VGLL4: variants seen among roughly 807,000 people sequenced by gnomAD.
VGLL4 encodes transcription cofactor vestigial-like protein 4.
VGLL4 carries 7 observed loss-of-function variants against 21.0 expected under a neutral mutation model. The ratio of observed to expected loss-of-function variants is 0.33; its 90% CI spans 0.19 to 0.63. The LOEUF is 0.63. Ranked by LOEUF, VGLL4 falls within the 20% of genes least tolerant of loss-of-function variation. The probability of loss-of-function intolerance (pLI) is 0.78; values close to 1 mark genes in which losing one functional copy is unlikely to be tolerated. For synonymous variants in VGLL4, 222 were observed against 173.2 expected, an observed-to-expected ratio of 1.28 and a Z score of -2.21; for missense variants, 394 against 425.7, an observed-to-expected ratio of 0.93 and a Z score of 0.66.
intron 2 of VGLL4, among the ~76,000 whole-genome samples, chr3:11,658,607 A>G (rs1021707144): frequency 3.3e-5 from 4 of 122,426 alleles, no homozygotes; most frequent in African/African-American, 1.0e-4. Flanking sequence ...GGAAGGACAC[A>G]GAGGAAACAG....
chr3:11,627,253 C>T lies in VGLL4; in HGVS notation c.82+16184G>A, dbSNP rs1172907834. The T allele has an allele frequency of 6.6e-5, 10 of 150,838 alleles. No individual in the cohort carries two copies. In the Admixed American group the frequency reaches 6.6e-4, roughly 10 times the overall value. 9.3% of individuals were successfully genotyped at this position (150,838 alleles called of 1,614,324 possible). ...ACACTCTCTCTCTCTCTCTCTCTGT[C>T]GGTTTTTAAATTACTGGCCACTGGT... On this transcript the variant is annotated intron_variant, in intron 1 of 4. Coordinates refer to ENST00000430365, the MANE Select transcript of VGLL4 (RefSeq NM_001128219.3).
In VGLL4 at chr3:11,556,694, A is replaced by G. The variant is rs1329645724; in HGVS notation, c.*1862T>C. The G allele has an allele frequency of 6.5e-6, 1 of 152,806 alleles. No homozygotes were observed. Among genetic ancestry groups the G allele is most frequent in the African/African-American group, 2.4e-5 (1 of 41,474 alleles). The allele number at this position is 152,806 out of a possible 1,614,324, so 9.5% of individuals were successfully genotyped here. ...TTAAATAGCTACATATCATTAACAAATTAATGTTCTTCAAAAAATACCTAC... is the reference window on the plus strand; with the variant it reads ...TTAAATAGCTACATATCATTAACAAGTTAATGTTCTTCAAAAAATACCTAC... On this transcript the variant is annotated 3_prime_UTR_variant, in exon 5 of 5. Coordinates refer to ENST00000430365, the MANE Select transcript of VGLL4 (RefSeq NM_001128219.3).
chr3:11,581,749 C>G (rs1438984580), intron 2 of VGLL4, among the ~76,000 whole-genome samples: 1 of 152,198 alleles, frequency 6.6e-6, no homozygotes, highest in Non-Finnish European at 1.5e-5. Flanking sequence ...CCAACTGCAG[C>G]CAAGTGCTTT....
At chr3:11,578,693 G>A (rs112527038) in intron 2 of VGLL4, among the ~76,000 whole-genome samples, 11,163 of 147,980 alleles carry the variant, frequency 0.075, 451 homozygotes, top group East Asian at 0.16. Flanking sequence ...TTGAGTATAC[G>A]AAGTGATTAA....
intron 1 of VGLL4, among the ~76,000 whole-genome samples, chr3:11,709,332 G>C (rs2076805852): frequency 6.6e-6 from 1 of 151,364 alleles, no homozygotes; most frequent in African/African-American, 2.4e-5. Flanking sequence ...AGCTACTCGG[G>C]AGGCTGAGGC....
intron 1 of VGLL4, among the ~76,000 whole-genome samples, chr3:11,714,997 C>T (rs1345726344): frequency 3.9e-5 from 6 of 152,026 alleles, no homozygotes; most frequent in South Asian, 4.2e-4. Flanking sequence ...TAGCCAGGCA[C>T]GGTGGCGGGC....
At chr3:11,718,182 T>C (rs949696487) in intron 1 of VGLL4, among the ~76,000 whole-genome samples, 3 of 152,184 alleles carry the variant, frequency 2.0e-5, no homozygotes, top group African/African-American at 7.2e-5. Context: ...GATTAAAATT[T>C]TGCCAAAGTT....
rs935361104 is a variant in VGLL4, at chr3:11,568,530, C to T, written c.273-3511G>A. On this transcript the variant is annotated intron_variant, in intron 2 of 4. Coordinates refer to ENST00000430365, the MANE Select transcript of VGLL4 (RefSeq NM_001128219.3). The surrounding 1 kb of genome is among the most constrained non-coding windows in gnomAD (Gnocchi z 5.9). ...AGCACAGTGGGCACTATGGGTCAGA[C>T]AAAGACACTGAAAACAGCGAGAAAA... The T allele has an allele frequency of 1.3e-6, 2 of 1,544,032 alleles. No individual in the cohort carries two copies. The highest frequency in any genetic ancestry group is 1.8e-6 in the Non-Finnish European group (2 of 1,140,128).
rs914769012 is a variant in VGLL4, at chr3:11,556,677, C to G, written c.*1879G>C. On this transcript the variant is annotated 3_prime_UTR_variant, in exon 5 of 5. Coordinates refer to ENST00000430365, the MANE Select transcript of VGLL4 (RefSeq NM_001128219.3). Reference sequence around the variant, plus strand: ...AATAGGAAAGGGAAAAATTAAATAGCTACATATCATTAACAAATTAATGTT... The same window carrying G: ...AATAGGAAAGGGAAAAATTAAATAGGTACATATCATTAACAAATTAATGTT... The G allele has an allele frequency of 6.6e-6, 1 of 152,598 alleles. No individual in the cohort carries two copies. The highest frequency in any genetic ancestry group is 2.4e-5 in the African/African-American group (1 of 41,394). The allele number at this position is 152,598 out of a possible 1,614,324, so 9.5% of individuals were successfully genotyped here.
intron 1 of VGLL4, chr3:11,604,651 C>T (rs1392461010): frequency 3.1e-6 from 2 of 650,034 alleles, no homozygotes; most frequent in East Asian, 2.8e-4. Context: ...TTGACTCCTC[C>T]TTTATTTAGG....
At chr3:11,635,539 A>T (rs1232936168) in intron 1 of VGLL4, among the ~76,000 whole-genome samples, 1 of 152,116 alleles carries the variant, frequency 6.6e-6, no homozygotes, top group Non-Finnish European at 1.5e-5. Flanking sequence ...TCTCCCACTC[A>T]CTCTCTCTTT....
intron 1 of VGLL4, among the ~76,000 whole-genome samples, chr3:11,617,602 A>G (rs1203599844): frequency 6.6e-6 from 1 of 152,234 alleles, no homozygotes; most frequent in Admixed American, 6.5e-5. Context: ...GAAAGATCAG[A>G]GAGCTGGTAT....
chr3:11,569,738 T>C (rs2073700608), intron 2 of VGLL4, among the ~76,000 whole-genome samples: 1 of 152,174 alleles, frequency 6.6e-6, no homozygotes, highest in African/African-American at 2.4e-5. Flanking sequence ...GACTGCTGGC[T>C]GGGCATGGTG....
chr3:11,667,359 A>G (rs1318293748), intron 2 of VGLL4, among the ~76,000 whole-genome samples: 3 of 152,226 alleles, frequency 2.0e-5, no homozygotes, highest in Admixed American at 1.3e-4. Flanking sequence ...CTGAACGTTC[A>G]TACATGTTAT....
intron 1 of VGLL4, among the ~76,000 whole-genome samples, chr3:11,704,357 T>C (rs2076727282): frequency 8.6e-6 from 1 of 116,172 alleles, no homozygotes; most frequent in African/African-American, 3.3e-5. Context: ...CACTCCAGCC[T>C]GGGCAACAAA....
At chr3:11,581,591 G>A (rs763370012) in intron 2 of VGLL4, among the ~76,000 whole-genome samples, 2 of 152,264 alleles carry the variant, frequency 1.3e-5, no homozygotes, top group South Asian at 4.1e-4. Flanking sequence ...GTTACTGAGA[G>A]ATGAAACAAA....
chr3:11,611,691 C>T (rs17034792), intron 1 of VGLL4: 2,466 of 152,374 alleles, frequency 0.016, 55 homozygotes, highest in East Asian at 0.064. Context: ...CCAGAACCAC[C>T]TGAGCACAGG....
At chr3:11,609,613 C>A (rs1037012657) in intron 1 of VGLL4, among the ~76,000 whole-genome samples, 6 of 152,146 alleles carry the variant, frequency 3.9e-5, no homozygotes, top group Admixed American at 2.6e-4. Flanking sequence ...AGAGATGGGG[C>A]GAGTGATTGG....
At chr3:11,703,454 C>T (rs541829463) in intron 1 of VGLL4, among the ~76,000 whole-genome samples, 222 of 152,292 alleles carry the variant, frequency 1.5e-3, no homozygotes, top group Non-Finnish European at 2.8e-3. Flanking sequence ...GCTTAACACA[C>T]GCCACGTACT....
Sources: allele counts gnomAD v4.1 joint callset (sites outside exome capture counted in the v4.1 genomes callset), GRCh38; gene constraint gnomAD v4.1.1; non-coding constraint Gnocchi (gnomAD v3.1); transcripts MANE v1.5; gene names NCBI Gene and HGNC (gene_info 2026-07-23, HGNC 2026-07-21).